BIRC6: variants seen among roughly 807,000 people sequenced by gnomAD.
BIRC6 encodes baculoviral IAP repeat containing 6, also known as dual E2 ubiquitin-conjugating enzyme/E3 ubiquitin-protein ligase BIRC6.
BIRC6 carries 98 observed loss-of-function variants against 503.3 expected under a neutral mutation model. The observed-to-expected ratio is 0.19, with a 90% CI of 0.17 to 0.23. The LOEUF (loss-of-function observed/expected upper bound fraction) is 0.23. Ranked by LOEUF, BIRC6 falls within the 10% of genes least tolerant of loss-of-function variation. BIRC6 has a pLI of 1.00. For synonymous variants in BIRC6, 2,240 were observed against 2,078.7 expected, an observed-to-expected ratio of 1.08 and a Z score of -2.11; for missense variants, 5,360 against 5,806.0, an observed-to-expected ratio of 0.92 and a Z score of 2.50.
At chr2:32,604,528 C>A (rs574715400) in intron 71 of BIRC6, among the ~76,000 whole-genome samples, 1 of 152,284 alleles carries the variant, frequency 6.6e-6, no homozygotes, top group East Asian at 1.9e-4. Flanking sequence ...CTGGGCCACC[C>A]AGTGGTAAGA....
At chr2:32,455,936 T>A (rs1574337111) in intron 23 of BIRC6, among the ~76,000 whole-genome samples, 1 of 152,326 alleles carries the variant, frequency 6.6e-6, no homozygotes, top group East Asian at 1.9e-4. Context: ...GAAAGATGAT[T>A]GTAGTCTCTC....
chr2:32,395,396 T>C lies in BIRC6; in HGVS notation c.952-115T>C, dbSNP rs1339554050. Reference sequence around the variant, plus strand: ...GACCTAATATTATAGGCTAATTTTCTTATTTTCAGTATAGAATTTTACTTA... The same window carrying C: ...GACCTAATATTATAGGCTAATTTTCCTATTTTCAGTATAGAATTTTACTTA... On this transcript the variant is annotated intron_variant, in intron 5 of 73. Coordinates refer to ENST00000421745, the MANE Select transcript of BIRC6 (RefSeq NM_016252.4). The C allele has an allele frequency of 1.2e-5, 9 of 763,134 alleles. No individual in the cohort carries two copies. The East Asian group carries it at 2.6e-4, about 22-fold the overall frequency. The allele number at this position is 763,134 out of a possible 1,614,324, so 47.3% of individuals were successfully genotyped here.
chr2:32,406,642 C>T, intron 9 of BIRC6, 85 bp downstream of exon 9: 1 of 923,656 alleles, frequency 1.1e-6, no homozygotes, highest in South Asian at 1.6e-5. Context: ...TTCTGAATTT[C>T]TTAGTTAATG....
chr2:32,590,560 G>T (rs1189240237), intron 66 of BIRC6, among the ~76,000 whole-genome samples: 1 of 152,066 alleles, frequency 6.6e-6, no homozygotes, highest in African/African-American at 2.4e-5. Flanking sequence ...ACTTTATTTG[G>T]GCGGTAGATA....
intron 65 of BIRC6, among the ~76,000 whole-genome samples, chr2:32,562,348 A>G (rs544134540): frequency 1.3e-5 from 2 of 152,348 alleles, no homozygotes; most frequent in South Asian, 4.1e-4. Context: ...TTGAGCAGAT[A>G]GTACAGAGTT....
chr2:32,464,477 G>C (rs1291687022), intron 24 of BIRC6, 32 bp from the exon 25 acceptor site: 1 of 1,530,866 alleles, frequency 6.5e-7, no homozygotes, highest in East Asian at 2.5e-5. Flanking sequence ...GGCAGGATTA[G>C]TCTATATATG....
At chr2:32,462,975 C>A (rs938761148) in intron 23 of BIRC6, among the ~76,000 whole-genome samples, 2 of 150,216 alleles carry the variant, frequency 1.3e-5, no homozygotes, top group African/African-American at 4.9e-5. Context: ...AAAAAAAAGT[C>A]ATTCCTGTAT....
chr2:32,558,522 A>G (rs1040932589), intron 65 of BIRC6: 1 of 152,214 alleles, frequency 6.6e-6, no homozygotes, highest in Non-Finnish European at 1.5e-5. Flanking sequence ...TGAAAAAGCA[A>G]TTAATAGCAG....
chr2:32,401,737 A>G (rs1451076688), intron 8 of BIRC6, 114 bp downstream of exon 8: 2 of 882,752 alleles, frequency 2.3e-6, no homozygotes, highest in African/African-American at 1.7e-5. Flanking sequence ...CAGTTAAGAG[A>G]TCAGAGAGTA....
At chr2:32,604,341 T>G (rs1466022230) in intron 71 of BIRC6, among the ~76,000 whole-genome samples, 1 of 152,194 alleles carries the variant, frequency 6.6e-6, no homozygotes, top group Non-Finnish European at 1.5e-5. Flanking sequence ...GGTTTACTGT[T>G]TCTCTGCTTA....
chr2:32,543,069 G>A (rs927020428), intron 61 of BIRC6, among the ~76,000 whole-genome samples, 172 bp from the exon 62 acceptor site: 14 of 152,118 alleles, frequency 9.2e-5, no homozygotes, highest in Non-Finnish European at 1.8e-4. Context: ...CAAAGTGCTG[G>A]GATAACAGGC....
In BIRC6 at chr2:32,435,207, G is replaced by T. The variant is rs115691339; in HGVS notation, c.3410-289G>T. On this transcript the variant is annotated intron_variant, in intron 13 of 73. Coordinates refer to ENST00000421745, the MANE Select transcript of BIRC6 (RefSeq NM_016252.4). ...CAAAGCTCTGCAAGTGCTTGTACCA[G>T]GCAGCCTAGGGTAAGAACTTTTAGT... Among the ~76,000 whole-genome samples the T allele has an allele frequency of 8.1e-3, 1,227 of 152,302 alleles. 8 individuals carry two copies. Among genetic ancestry groups the T allele is most frequent in the Middle Eastern group, 0.014 (4 of 294 alleles).
At position 32,515,603 on chromosome 2, in the gene BIRC6, A is replaced by G; in HGVS notation, c.11182A>G (p.Ser3728Gly). Residue 3728 changes from serine (S) to glycine (G), a missense_variant, in exon 55 of 74, where the codon AGC becomes GGC. Around this residue, in one of 16 missense-constraint regions of BIRC6, gnomAD observed 878 missense variants for 928.9 expected, o/e 0.95. Transcript: ENST00000421745. ...GTGTCACTCTGGGTCCACTTCTGGA[A>G]GCCATAATTTAGGTGCACAACAGAC... ...LLCHSGSTSGSHNLGAQQTSA... is the reference protein window; with the variant it reads ...LLCHSGSTSGGHNLGAQQTSA... The G allele has an allele frequency of 6.2e-7, 1 of 1,613,828 alleles. No homozygotes were observed. The highest frequency in any genetic ancestry group is 8.5e-7 in the Non-Finnish European group (1 of 1,179,888).
chr2:32,440,695 C>T lies in BIRC6; in HGVS notation c.3811-634C>T, dbSNP rs147009439. ...AATACTGAAAGTGAGTGAACCTTAG[C>T]GATTGGGGAGCCTGACATATCTCAC... On this transcript the variant is annotated intron_variant, in intron 16 of 73. Coordinates refer to ENST00000421745, the MANE Select transcript of BIRC6 (RefSeq NM_016252.4). Among the ~76,000 whole-genome samples the T allele has an allele frequency of 7.1e-4, 108 of 151,552 alleles. 1 individual carries two copies. In the East Asian group the frequency reaches 0.013, roughly 18 times the overall value.
chr2:32,457,758 T>C (rs2047407781), intron 23 of BIRC6, among the ~76,000 whole-genome samples: 1 of 152,144 alleles, frequency 6.6e-6, no homozygotes, highest in African/African-American at 2.4e-5. Flanking sequence ...AAGATCTCTT[T>C]TTGTACTTAT....
chr2:32,461,362 G>A (rs2047973835), intron 23 of BIRC6, among the ~76,000 whole-genome samples: 1 of 149,780 alleles, frequency 6.7e-6, no homozygotes, highest in East Asian at 2.0e-4. Flanking sequence ...GTGTGTGTGT[G>A]TGTGTGTGTG....
chr2:32,383,972 T>G (rs762177789), intron 3 of BIRC6, among the ~76,000 whole-genome samples: 15 of 152,354 alleles, frequency 9.8e-5, no homozygotes, highest in Middle Eastern at 3.4e-3. Context: ...GGTTTCCGCT[T>G]GTCAGTTCCA....
At chr2:32,366,245 T>C (rs1375038639) in intron 1 of BIRC6, among the ~76,000 whole-genome samples, 1 of 152,226 alleles carries the variant, frequency 6.6e-6, no homozygotes, top group Non-Finnish European at 1.5e-5. Context: ...TGGGCTTTCT[T>C]TCCCTGCTGG....
intron 1 of BIRC6, among the ~76,000 whole-genome samples, chr2:32,369,937 AAAAAAAAAATATATATATATATATATAT>A (rs1296678496): frequency 3.6e-5 from 2 of 55,094 alleles, no homozygotes; most frequent in African/African-American, 1.9e-4. Context: ...AAAAAAAAAA[AAAAAAAAAATATATATATATATATATAT>A]ATATATATAT....
Sources: gnomAD v4.1 joint callset for allele counts (sites outside exome capture counted in the v4.1 genomes callset) on GRCh38, gnomAD v4.1.1 for gene constraint, gnomAD v4.1.1 regional missense constraint, MANE v1.5 for transcripts, NCBI Gene and HGNC (gene_info 2026-07-23, HGNC 2026-07-21) for gene names.